Variants in LRCH2 observed in about 807,000 individuals in gnomAD.
LRCH2 encodes the protein leucine rich repeats and calponin homology domain containing 2.
In LRCH2, 38 loss-of-function variants were observed where a neutral mutation model predicts 68.9. The observed-to-expected ratio is 0.55, with a 90% confidence interval of 0.43 to 0.72. LRCH2 has a LOEUF of 0.72. Ranked by LOEUF, LRCH2 falls within the 30% of genes least tolerant of loss-of-function variation. The pLI, the probability that LRCH2 is intolerant of heterozygous loss-of-function variation, is 0.00. For synonymous variants in LRCH2, 191 were observed against 208.1 expected (o/e 0.92, Z 0.71); for missense variants, 528 against 572.9 (o/e 0.92, Z 0.80).
At chrX:115,138,608 G>A (rs1556532792) in intron 14 of LRCH2, among the ~76,000 whole-genome samples, 1 of 111,641 alleles carries the variant, frequency 9.0e-6, no homozygotes, top group African/African-American at 3.3e-5. Context: ...AGGTAAAGAG[G>A]CAGGAAAGAC....
At chrX:115,228,354 G>GA (rs1390524505) in intron 1 of LRCH2, among the ~76,000 whole-genome samples, 2 of 110,816 alleles carry the variant, frequency 1.8e-5, no homozygotes, top group East Asian at 5.7e-4. Context: ...AAAGTGTAGA[G>GA]AAAAAAAGAA....
chrX:115,144,604 G>T (rs2072366881), intron 14 of LRCH2, among the ~76,000 whole-genome samples: 1 of 109,100 alleles, frequency 9.2e-6, no homozygotes, highest in Non-Finnish European at 1.9e-5. Context: ...CTGTAAAGTT[G>T]CAGGATACAA....
intron 11 of LRCH2, among the ~76,000 whole-genome samples, chrX:115,157,535 C>T (rs781916369): frequency 1.9e-5 from 2 of 105,910 alleles, no homozygotes; most frequent in South Asian, 4.3e-4. Flanking sequence ...TCCTCACTAG[C>T]GTGGATCTAG....
intron 20 of LRCH2, among the ~76,000 whole-genome samples, chrX:115,117,613 G>A (rs1270585608): frequency 1.8e-5 from 2 of 111,324 alleles, no homozygotes; most frequent in Non-Finnish European, 3.8e-5. Context: ...ATCCAGAAAT[G>A]AACAGCAATG....
intron 1 of LRCH2, among the ~76,000 whole-genome samples, chrX:115,197,818 GTCTC>G (rs1196662958): frequency 7.5e-5 from 1 of 13,418 alleles, no homozygotes; most frequent in African/African-American, 2.3e-4. Flanking sequence ...AACAGAACAA[GTCTC>G]TCTCTCTCTC....
chrX:115,222,277 G>GA (rs1159746000), intron 1 of LRCH2, among the ~76,000 whole-genome samples: 3 of 111,520 alleles, frequency 2.7e-5, no homozygotes, highest in African/African-American at 6.5e-5. Context: ...ACCATTTACC[G>GA]AAAAAAACAG....
At chrX:115,187,153 G>A (rs2072738959) in intron 2 of LRCH2, among the ~76,000 whole-genome samples, 1 of 111,698 alleles carries the variant, frequency 9.0e-6, no homozygotes, top group Admixed American at 9.5e-5. Flanking sequence ...GGTGTAAAGT[G>A]GTTTCAGTTA....
chrX:115,190,954 G>T, intron 1 of LRCH2: 2 of 1,163,888 alleles, frequency 1.7e-6, no homozygotes, highest in Non-Finnish European at 2.3e-6. Flanking sequence ...CGACCGCTAC[G>T]GAGTAGGAGG....
chrX:115,136,561 G>A (rs782087433), intron 14 of LRCH2, among the ~76,000 whole-genome samples: 1 of 109,958 alleles, frequency 9.1e-6, no homozygotes, highest in South Asian at 3.9e-4. Context: ...AGATACAGAG[G>A]GACAACTATA....
chrX:115,223,454 T>TAC (rs2073098333), intron 1 of LRCH2, among the ~76,000 whole-genome samples: 1 of 106,970 alleles, frequency 9.3e-6, no homozygotes, highest in Non-Finnish European at 1.9e-5. Flanking sequence ...ATTTTTTTTT[T>TAC]AAAAAAACCT....
intron 1 of LRCH2, among the ~76,000 whole-genome samples, chrX:115,218,747 A>G (rs193235121): frequency 2.7e-5 from 3 of 112,321 alleles, no homozygotes; most frequent in African/African-American, 9.7e-5. Flanking sequence ...ATCCTCTAGC[A>G]GGGTATTTGG....
rs1348629853 is a variant in LRCH2 at position 115,139,315 on chromosome X, G to A, written c.1696-9116C>T. ...AATAAAAATAGTGTACTATATTTATGAAATCAATATGTATTTTATGAGTTA... is the reference window on the plus strand; with the variant it reads ...AATAAAAATAGTGTACTATATTTATAAAATCAATATGTATTTTATGAGTTA... On this transcript the variant is annotated intron_variant, in intron 14 of 20. Transcript: ENST00000317135. 5.4e-5 allele frequency among the ~76,000 whole-genome samples: 6 copies of A among 111,863 alleles called. No homozygotes were observed. The Admixed American group carries it at 5.7e-4, about 11-fold the overall frequency.
rs1237212338 is a variant in LRCH2 at position 115,224,510 on chromosome X, C to T, written c.349+9183G>A. On this transcript the variant is annotated intron_variant, in intron 1 of 20. Transcript: ENST00000317135. ...CCAGCCTGGGCAACATGATGAAACC[C>T]TGTCTCTACAAAAAAATACAAAAAT... Among the ~76,000 whole-genome samples the T allele has an allele frequency of 2.7e-5, 3 of 109,496 alleles. No individual in the cohort carries two copies. The Admixed American group carries it at 2.9e-4, about 11-fold the overall frequency.
rs1556544115 is a variant in LRCH2 at position 115,165,415 on chromosome X, C to T, written c.1345G>A (p.Asp449Asn). The change falls in exon 10 of 21, where the codon GAT becomes AAT. Residue 449 changes from aspartate (D) to asparagine (N), a missense_variant. Coordinates refer to ENST00000317135, the MANE Select transcript of LRCH2 (RefSeq NM_020871.4). ...EKSRKNEELG[D>N]EKRLEKEQLL... Reference sequence around the variant, plus strand: ...TTCATATGTGCTTACCTTTTTTCATCTCCTAATTCTTCATTTTTCCGAGAT... The same window carrying T: ...TTCATATGTGCTTACCTTTTTTCATTTCCTAATTCTTCATTTTTCCGAGAT... 1 of 1,121,626 alleles carries T rather than the reference C, an allele frequency of 8.9e-7. No individual in the cohort carries two copies. Among genetic ancestry groups the T allele is most frequent in the Non-Finnish European group, 1.2e-6 (1 of 838,239 alleles). 92.4% of individuals were successfully genotyped at this position (1,121,626 alleles called of 1,213,427 possible).
chrX:115,174,597 C>CA (rs1569514712), intron 5 of LRCH2, among the ~76,000 whole-genome samples: 7 of 97,781 alleles, frequency 7.2e-5, no homozygotes, highest in African/African-American at 2.8e-4. Context: ...ACACACCCCC[C>CA]CCCCCACACA....
chrX:115,118,309 G>C (rs2072102348), intron 20 of LRCH2, among the ~76,000 whole-genome samples: 1 of 110,383 alleles, frequency 9.1e-6, no homozygotes, highest in African/African-American at 3.3e-5. Context: ...GAATCAAATA[G>C]ACACAATAAA....
intron 1 of LRCH2, chrX:115,189,657 G>A: frequency 1.7e-6 from 2 of 1,168,705 alleles, no homozygotes; most frequent in Non-Finnish European, 1.1e-6. Flanking sequence ...TGAACGGCAA[G>A]TACCTGGATG....
chrX:115,201,087 C>G (rs2072926843), intron 1 of LRCH2, among the ~76,000 whole-genome samples: 1 of 111,310 alleles, frequency 9.0e-6, no homozygotes, highest in African/African-American at 3.3e-5. Context: ...CAAGCAGGAG[C>G]AAGTCACATC....
intron 14 of LRCH2, among the ~76,000 whole-genome samples, chrX:115,131,594 G>T (rs782613853): frequency 1.8e-5 from 2 of 111,943 alleles, no homozygotes; most frequent in Non-Finnish European, 3.8e-5. Context: ...ATAGCAGCAT[G>T]ATTTATAATC....
Sources: gnomAD v4.1 joint callset for allele counts (sites outside exome capture counted in the v4.1 genomes callset) on GRCh38, gnomAD v4.1.1 for gene constraint, MANE v1.5 for transcripts, NCBI Gene and HGNC (gene_info 2026-07-23, HGNC 2026-07-21) for gene names.